NPAS3: variants seen among roughly 807,000 people sequenced by gnomAD.
The protein encoded by NPAS3 is neuronal PAS domain-containing protein 3.
Under a neutral mutation model 73.1 loss-of-function variants are expected in NPAS3, and 14 were observed. That is an observed-to-expected ratio of 0.19 (90% CI 0.13 to 0.30). NPAS3 has a LOEUF of 0.30. Ranked by LOEUF, NPAS3 falls within the 10% of genes least tolerant of loss-of-function variation. The pLI, the probability that NPAS3 is intolerant of heterozygous loss-of-function variation, is 1.00. For synonymous variants in NPAS3, 620 were observed against 541.5 expected, an observed-to-expected ratio of 1.14 and a Z score of -2.01; for missense variants, 1,096 against 1,250.0, an observed-to-expected ratio of 0.88 and a Z score of 1.86.
chr14:33,329,643 G>T (rs557226014), intron 3 of NPAS3, among the ~76,000 whole-genome samples: 2 of 152,174 alleles, frequency 1.3e-5, no homozygotes, highest in East Asian at 1.9e-4. Context: ...GGGTAGGCAG[G>T]GGCACGATGG....
chr14:33,433,988 C>G (rs2048881848), intron 4 of NPAS3, among the ~76,000 whole-genome samples: 1 of 151,502 alleles, frequency 6.6e-6, no homozygotes, highest in South Asian at 2.1e-4. Context: ...GTCAGGAGTT[C>G]GAGACCAGCC....
chr14:33,133,152 C>T (rs539744531), intron 2 of NPAS3, among the ~76,000 whole-genome samples: 5 of 152,068 alleles, frequency 3.3e-5, no homozygotes, highest in Non-Finnish European at 7.4e-5. Flanking sequence ...CTCATGTTAT[C>T]ATCATATAAT....
At chr14:33,136,750 C>T (rs548343317) in intron 2 of NPAS3, among the ~76,000 whole-genome samples, 1 of 152,330 alleles carries the variant, frequency 6.6e-6, no homozygotes, top group East Asian at 1.9e-4. Context: ...TAGTTTTTAG[C>T]TATTGCCTTT....
rs371722773 is a variant in NPAS3 at position 33,335,397 on chromosome 14, G to A, written c.386-31789G>A. On this transcript the variant is annotated intron_variant, in intron 3 of 11. Coordinates refer to ENST00000356141, the Ensembl canonical transcript of NPAS3. ...TAGTAACTCTTCTCAGAGTTTGGGG[G>A]ATTCTCCCTGCTTTTATACCCATAT... 1.4e-4 allele frequency among the ~76,000 whole-genome samples: 22 copies of A among 152,216 alleles called. No individual in the cohort carries two copies. In the East Asian group the frequency reaches 4.3e-3, roughly 29 times the overall value.
At chr14:33,641,927 C>T (rs537601952) in intron 5 of NPAS3, among the ~76,000 whole-genome samples, 2 of 151,778 alleles carry the variant, frequency 1.3e-5, no homozygotes, top group Non-Finnish European at 2.9e-5. Context: ...AGTTTTTTAC[C>T]CCAAGTAAAT....
chr14:33,667,801 T>C (rs368787357), intron 5 of NPAS3, among the ~76,000 whole-genome samples: 5 of 152,192 alleles, frequency 3.3e-5, no homozygotes, highest in Admixed American at 2.0e-4. Context: ...TTTTGTTCCT[T>C]CTTGTTCTCC....
chr14:32,996,287 G>T (rs2038567698), intron 1 of NPAS3, among the ~76,000 whole-genome samples: 1 of 152,168 alleles, frequency 6.6e-6, no homozygotes, highest in African/African-American at 2.4e-5. Flanking sequence ...AAGGAAAAAA[G>T]AGTATAAAAG....
chr14:33,760,952 C>T (rs1336046806), intron 7 of NPAS3, among the ~76,000 whole-genome samples: 1 of 152,134 alleles, frequency 6.6e-6, no homozygotes, highest in Non-Finnish European at 1.5e-5. Context: ...GCATGTTGTA[C>T]CAGTTCCAGG....
chr14:33,565,123 T>A (rs552699737), intron 5 of NPAS3, among the ~76,000 whole-genome samples: 1 of 152,334 alleles, frequency 6.6e-6, no homozygotes, highest in East Asian at 1.9e-4. Flanking sequence ...CTGCAGATTA[T>A]AATAAGAGTT....
At chr14:33,727,746 T>C (rs2061307813) in intron 6 of NPAS3, among the ~76,000 whole-genome samples, 1 of 152,148 alleles carries the variant, frequency 6.6e-6, no homozygotes, top group South Asian at 2.1e-4. Context: ...GATAAAAGCA[T>C]TGCCACACTC....
At chr14:33,066,772 T>C (rs2041295602) in intron 2 of NPAS3, among the ~76,000 whole-genome samples, 1 of 152,310 alleles carries the variant, frequency 6.6e-6, no homozygotes, top group Non-Finnish European at 1.5e-5. Flanking sequence ...GCTAAGTTGA[T>C]CCTTCTGGGA....
intron 1 of NPAS3, among the ~76,000 whole-genome samples, chr14:32,954,944 T>C (rs2036615891): frequency 6.6e-6 from 1 of 152,204 alleles, no homozygotes; most frequent in East Asian, 1.9e-4. Flanking sequence ...GTAGTTCTAT[T>C]TCCTGCATAA....
At chr14:33,224,416 C>T (rs765994966) in intron 3 of NPAS3, among the ~76,000 whole-genome samples, 5 of 152,218 alleles carry the variant, frequency 3.3e-5, no homozygotes, top group Admixed American at 1.3e-4. Context: ...GTGACCTCCA[C>T]CTGTGAAAAC....
At chr14:33,253,327 T>C (rs1436675300) in intron 3 of NPAS3, among the ~76,000 whole-genome samples, 5 of 152,042 alleles carry the variant, frequency 3.3e-5, no homozygotes, top group African/African-American at 1.2e-4. Flanking sequence ...CACAGAGTGA[T>C]TAAACAACTT....
At chr14:32,993,738 A>G (rs913149566) in intron 1 of NPAS3, among the ~76,000 whole-genome samples, 1 of 152,196 alleles carries the variant, frequency 6.6e-6, no homozygotes, top group Admixed American at 6.5e-5. Context: ...ATGAATTTTT[A>G]TGGAAATTGA....
intron 2 of NPAS3, among the ~76,000 whole-genome samples, chr14:33,119,547 A>G (rs905909871): frequency 2.0e-5 from 3 of 152,112 alleles, no homozygotes; most frequent in Admixed American, 1.3e-4. Context: ...ACACCAGATA[A>G]GTCACCAATA....
intron 5 of NPAS3, among the ~76,000 whole-genome samples, chr14:33,611,873 A>T (rs985795881): frequency 6.6e-6 from 1 of 152,216 alleles, no homozygotes; most frequent in African/African-American, 2.4e-5. Flanking sequence ...AATCTATTTT[A>T]AAAAGCTTCA....
intron 7 of NPAS3, among the ~76,000 whole-genome samples, chr14:33,757,741 TC>T (rs2062160281): frequency 6.6e-6 from 1 of 152,142 alleles, no homozygotes; most frequent in Admixed American, 6.5e-5. Context: ...AGTGATGCAC[TC>T]CCCTTTTCTG....
chr14:33,452,065 A>G (rs919461965), intron 4 of NPAS3, among the ~76,000 whole-genome samples: 1 of 152,220 alleles, frequency 6.6e-6, no homozygotes, highest in Non-Finnish European at 1.5e-5. Flanking sequence ...TTGTCTCATC[A>G]TGTTAATGTT....
Sources: allele counts gnomAD v4.1 joint callset (sites outside exome capture counted in the v4.1 genomes callset), GRCh38; gene constraint gnomAD v4.1.1; transcripts MANE v1.5; gene names NCBI Gene and HGNC (gene_info 2026-07-23, HGNC 2026-07-21).